The following IQGAP2 variants were observed in gnomAD, a reference collection of about 807,000 sequenced individuals.
IQGAP2 encodes the protein IQ motif containing GTPase activating protein 2, also known as ras GTPase-activating-like protein IQGAP2.
In IQGAP2, 173 loss-of-function variants were observed where a neutral mutation model predicts 201.3. The observed-to-expected ratio is 0.86, with a 90% confidence interval of 0.76 to 0.98. The LOEUF (loss-of-function observed/expected upper bound fraction) is 0.98, where lower values mean the gene tolerates loss of function less well. Among genes scored for constraint, IQGAP2 ranks in the 50% least tolerant of loss-of-function variants. The pLI, the probability that IQGAP2 is intolerant of heterozygous loss-of-function variation, is 0.00. For synonymous variants in IQGAP2, 675 were observed against 673.9 expected, an observed-to-expected ratio of 1.00 and a Z score of -0.03; for missense variants, 1,687 against 1,864.8, an observed-to-expected ratio of 0.90 and a Z score of 1.76.
At chr5:76,588,481 G>A (rs535357242) in intron 5 of IQGAP2, among the ~76,000 whole-genome samples, 3 of 152,230 alleles carry the variant, frequency 2.0e-5, no homozygotes, top group South Asian at 4.2e-4. Flanking sequence ...TTTCCTCAAG[G>A]GGTATGTGGT....
intron 2 of IQGAP2, among the ~76,000 whole-genome samples, chr5:76,548,409 A>G (rs1214365446): frequency 6.6e-6 from 1 of 152,228 alleles, no homozygotes; most frequent in Non-Finnish European, 1.5e-5. Context: ...TAGTTTATCA[A>G]GATCTGAATT....
chr5:76,479,870 G>T (rs1755671172), intron 2 of IQGAP2, among the ~76,000 whole-genome samples: 1 of 152,072 alleles, frequency 6.6e-6, no homozygotes. Context: ...TCATGTGTGT[G>T]GTGTAGAACT....
chr5:76,661,025 A>G (rs1174593832), intron 21 of IQGAP2, among the ~76,000 whole-genome samples: 1 of 152,086 alleles, frequency 6.6e-6, no homozygotes, highest in African/African-American at 2.4e-5. Flanking sequence ...TTATCAAAAA[A>G]TAATAATCCA....
intron 2 of IQGAP2, among the ~76,000 whole-genome samples, chr5:76,467,386 C>A (rs1398247158): frequency 6.6e-6 from 1 of 152,154 alleles, no homozygotes; most frequent in Non-Finnish European, 1.5e-5. Flanking sequence ...AAGCATATGA[C>A]AAGGTAGTCA....
intron 20 of IQGAP2, 76 bp downstream of exon 20, chr5:76,655,079 C>A: frequency 1.0e-6 from 1 of 984,254 alleles, no homozygotes; most frequent in Non-Finnish European, 1.6e-6. Flanking sequence ...ATATTGGTCA[C>A]TTCAGAGGCT....
chr5:76,701,232 C>T lies in IQGAP2; in HGVS notation c.4505+19C>T. 1 of 1,612,572 alleles carries T rather than the reference C, an allele frequency of 6.2e-7. No individual in the cohort carries two copies. Reference sequence around the variant, plus strand: ...CAAACCAGTAAGTGTGACCTGGAATCTGCATAGAACACGCATGCCATTTGA... The same window carrying T: ...CAAACCAGTAAGTGTGACCTGGAATTTGCATAGAACACGCATGCCATTTGA... On this transcript the variant is annotated intron_variant, in intron 34 of 35. Transcript: ENST00000274364.
intron 2 of IQGAP2, among the ~76,000 whole-genome samples, chr5:76,509,084 CGT>C (rs144641984): frequency 0.14 from 21,082 of 150,632 alleles, 1,766 homozygotes; most frequent in Non-Finnish European, 0.18. Context: ...TGCATGCTTG[CGT>C]GTGTGTGTAT....
rs932981379 is a variant in IQGAP2, at chr5:76,668,803, A to G, written c.2802A>G (p.Leu934=). Residue 934 remains leucine (L), a synonymous_variant, in exon 23 of 36, where the codon CTA becomes CTG. Coordinates refer to ENST00000274364, the MANE Select transcript of IQGAP2 (RefSeq NM_006633.5). ...NYASNQREEY[L]LLKLFKTALE... Reference sequence around the variant, plus strand: ...CCTCTAATCAGCGAGAAGAATATCTACTTCTCAAGCTTTTTAAAACTGCTC... The same window carrying G: ...CCTCTAATCAGCGAGAAGAATATCTGCTTCTCAAGCTTTTTAAAACTGCTC... 5 of 1,606,004 alleles carry G rather than the reference A, an allele frequency of 3.1e-6. No homozygotes were observed. Among genetic ancestry groups the G allele is most frequent in the African/African-American group, 1.3e-5 (1 of 74,806 alleles).
Position 76,676,077 on chromosome 5 carries a change from TCACACACACACACACA to T in IQGAP2, c.3528-1110_3528-1095del, listed in dbSNP as rs34099080. On this transcript the variant is annotated intron_variant, in intron 27 of 35. Coordinates refer to ENST00000274364, the MANE Select transcript of IQGAP2 (RefSeq NM_006633.5). ...GCCCAGGTGACAGGGTAAGACTCTG[TCACACACACACACACA>T]CACACACACACACACACACACACAC... is the stretch of plus-strand genomic sequence containing the variant. Among the ~76,000 whole-genome samples the T allele has an allele frequency of 9.2e-4, 125 of 135,670 alleles. 1 individual carries two copies. Among genetic ancestry groups the T allele is most frequent in the East Asian group, 8.1e-3 (35 of 4,330 alleles). The allele number at this position is 135,670 out of a possible 152,430, so 89.0% of individuals were successfully genotyped here.
intron 24 of IQGAP2, 87 bp downstream of exon 24, chr5:76,672,070 G>A (rs1744378564): frequency 9.9e-7 from 1 of 1,013,470 alleles, no homozygotes; most frequent in Non-Finnish European, 1.5e-6. Context: ...AACTTTGTTA[G>A]GCGAACTGTA....
At chr5:76,649,654 G>A (rs1752358117) in intron 17 of IQGAP2, among the ~76,000 whole-genome samples, 1 of 152,160 alleles carries the variant, frequency 6.6e-6, no homozygotes. Flanking sequence ...CAGGCACGTG[G>A]TACAAGCTGT....
intron 2 of IQGAP2, among the ~76,000 whole-genome samples, chr5:76,520,445 A>C (rs1758603019): frequency 6.6e-6 from 1 of 152,100 alleles, no homozygotes; most frequent in Non-Finnish European, 1.5e-5. Flanking sequence ...TACAAGCGTG[A>C]GCCACCGCGC....
intron 13 of IQGAP2, among the ~76,000 whole-genome samples, chr5:76,619,421 G>T (rs1167199798): frequency 2.0e-5 from 3 of 151,616 alleles, no homozygotes; most frequent in South Asian, 2.1e-4. Flanking sequence ...GTAGCCCCCC[G>T]CAAAGATTCT....
At chr5:76,427,850 A>G (rs1386992409) in intron 1 of IQGAP2, among the ~76,000 whole-genome samples, 1 of 152,238 alleles carries the variant, frequency 6.6e-6, no homozygotes, top group Non-Finnish European at 1.5e-5. Flanking sequence ...GAGCGGGGGC[A>G]GCATAAGCTT....
intron 1 of IQGAP2, among the ~76,000 whole-genome samples, chr5:76,442,537 G>A (rs1753106100): frequency 1.3e-5 from 2 of 152,172 alleles, no homozygotes; most frequent in South Asian, 2.1e-4. Flanking sequence ...CAGTTTTAGA[G>A]CCACAAGGCA....
intron 24 of IQGAP2, 78 bp from the exon 25 acceptor site, chr5:76,673,371 G>GA: frequency 6.7e-7 from 1 of 1,484,430 alleles, no homozygotes; most frequent in Admixed American, 2.1e-5. Context: ...TACAAAGCTT[G>GA]ACTATAGAAC....
chr5:76,533,017 T>TGGGGATATCAG (rs1759404863), intron 2 of IQGAP2, among the ~76,000 whole-genome samples: 4 of 152,332 alleles, frequency 2.6e-5, no homozygotes, highest in Admixed American at 6.5e-5. Context: ...ATATTCCTAC[T>TGGGGATATCAG]CTTTCCCCAA....
chr5:76,498,253 T>C (rs1757095291), intron 2 of IQGAP2, among the ~76,000 whole-genome samples: 1 of 152,242 alleles, frequency 6.6e-6, no homozygotes. Flanking sequence ...AGTATCTACA[T>C]ATTTCCACTC....
intron 2 of IQGAP2, among the ~76,000 whole-genome samples, chr5:76,552,799 A>C (rs1743651077): frequency 6.6e-6 from 1 of 152,144 alleles, no homozygotes; most frequent in Non-Finnish European, 1.5e-5. Context: ...AACTCAACAG[A>C]TTATACTATA....
Sources: gnomAD v4.1 joint callset for allele counts (sites outside exome capture counted in the v4.1 genomes callset) on GRCh38, gnomAD v4.1.1 for gene constraint, MANE v1.5 for transcripts, NCBI Gene and HGNC (gene_info 2026-07-23, HGNC 2026-07-21) for gene names.